ARL8B: variants seen among roughly 807,000 people sequenced by gnomAD.
The protein encoded by ARL8B is ARF like GTPase 8B.
A neutral mutation model predicts 30.6 loss-of-function variants in ARL8B; 9 were observed. The ratio of observed to expected loss-of-function variants is 0.29; its 90% CI spans 0.18 to 0.51. The LOEUF is 0.51. ARL8B is among the 20% of genes least tolerant of loss of function. The pLI is 0.97. For synonymous variants in ARL8B, 74 were observed against 76.0 expected (o/e 0.97, Z 0.14); for missense variants, 130 against 227.2 (o/e 0.57, Z 2.75).
At position 5,172,636 on chromosome 3, in the gene ARL8B, AT is replaced by A. The variant is rs747201276; in HGVS notation, c.279-4del. ...AGAGAAGGTATGTTGAGATCACTTC[AT>A]TTTTTTAAGTTACATGATAGATGCT... is the stretch of plus-strand genomic sequence containing the variant. On this transcript the variant is annotated splice_polypyrimidine_tract_variant and intron_variant, in intron 3 of 6. Coordinates refer to ENST00000256496, the MANE Select transcript of ARL8B (RefSeq NM_018184.3). The A allele has an allele frequency of 6.3e-6, 10 of 1,599,344 alleles. No homozygotes were observed. The highest frequency in any genetic ancestry group is 1.7e-5 in the Admixed American group (1 of 59,700).
chr3:5,146,250 C>T (rs1295508932), intron 1 of ARL8B, among the ~76,000 whole-genome samples: 2 of 152,176 alleles, frequency 1.3e-5, no homozygotes, highest in Non-Finnish European at 2.9e-5. Context: ...CCACACTGAA[C>T]CACTTATGTT....
intron 1 of ARL8B, among the ~76,000 whole-genome samples, chr3:5,133,266 C>T (rs2054298528): frequency 6.6e-6 from 1 of 152,258 alleles, no homozygotes; most frequent in South Asian, 2.1e-4. Context: ...TGACATTAGG[C>T]ATGGAGGGCC....
At chr3:5,143,273 A>G (rs11929083) in intron 1 of ARL8B, among the ~76,000 whole-genome samples, 25,699 of 152,116 alleles carry the variant, frequency 0.17, 2,769 homozygotes, top group African/African-American at 0.29. Flanking sequence ...CAGCCATATT[A>G]ACTTCCAGAA....
intron 1 of ARL8B, among the ~76,000 whole-genome samples, chr3:5,164,276 A>T (rs1039574664): frequency 6.6e-6 from 1 of 152,144 alleles, no homozygotes; most frequent in African/African-American, 2.4e-5. Flanking sequence ...TTTATGATTG[A>T]TTCTGTTCAT....
chr3:5,157,325 A>G (rs1427181020), intron 1 of ARL8B, among the ~76,000 whole-genome samples: 2 of 151,786 alleles, frequency 1.3e-5, no homozygotes, highest in African/African-American at 4.8e-5. Flanking sequence ...CAGATGTATT[A>G]CTCCAGTTCG....
intron 1 of ARL8B, among the ~76,000 whole-genome samples, chr3:5,129,098 G>A (rs2054258602): frequency 2.0e-5 from 3 of 152,110 alleles, no homozygotes; most frequent in Admixed American, 2.0e-4. Flanking sequence ...GGTCAAAAAC[G>A]CATTTTATGT....
chr3:5,140,502 C>G (rs571817440), intron 1 of ARL8B, among the ~76,000 whole-genome samples: 1 of 152,010 alleles, frequency 6.6e-6, no homozygotes, highest in African/African-American at 2.4e-5. Flanking sequence ...TTGTAAATTA[C>G]CAGTCTTGGG....
At chr3:5,147,050 T>A (rs1038104999) in intron 1 of ARL8B, among the ~76,000 whole-genome samples, 1 of 151,986 alleles carries the variant, frequency 6.6e-6, no homozygotes, top group African/African-American at 2.4e-5. Context: ...TACTTTAAGT[T>A]CTAGGGTACA....
At chr3:5,158,240 T>A (rs2054548948) in intron 1 of ARL8B, among the ~76,000 whole-genome samples, 1 of 152,196 alleles carries the variant, frequency 6.6e-6, no homozygotes, top group Non-Finnish European at 1.5e-5. Context: ...CACCTTGGCC[T>A]CCCAAAGTAC....
At chr3:5,172,814 T>C in intron 4 of ARL8B, 74 bp downstream of exon 4, 1 of 987,278 alleles carries the variant, frequency 1.0e-6, no homozygotes, top group Non-Finnish European at 1.5e-6. Flanking sequence ...TGCAGTGATA[T>C]TAATTATGTT....
chr3:5,177,977 T>C (rs1184471995), intron 6 of ARL8B, among the ~76,000 whole-genome samples: 1 of 152,226 alleles, frequency 6.6e-6, no homozygotes, highest in Non-Finnish European at 1.5e-5. Flanking sequence ...GCATGTTAGC[T>C]GGGAAACTGG....
intron 1 of ARL8B, among the ~76,000 whole-genome samples, chr3:5,156,226 C>T (rs149052193): frequency 1.4e-3 from 215 of 152,094 alleles, no homozygotes; most frequent in Middle Eastern, 3.4e-3. Flanking sequence ...TACTGGTCTT[C>T]CTCAGGGTCA....
intron 1 of ARL8B, among the ~76,000 whole-genome samples, chr3:5,124,736 C>G (rs1402945542): frequency 6.6e-6 from 1 of 152,142 alleles, no homozygotes; most frequent in African/African-American, 2.4e-5. Context: ...CCTTGGCCTC[C>G]CAGCATACTG....
intron 1 of ARL8B, among the ~76,000 whole-genome samples, chr3:5,164,301 T>C (rs1261716362): frequency 6.6e-6 from 1 of 152,256 alleles, no homozygotes; most frequent in African/African-American, 2.4e-5. Flanking sequence ...TTTACTATTA[T>C]TATTACTGTA....
At chr3:5,148,605 G>A (rs895807375) in intron 1 of ARL8B, among the ~76,000 whole-genome samples, 1 of 152,094 alleles carries the variant, frequency 6.6e-6, no homozygotes, top group Middle Eastern at 3.2e-3. Flanking sequence ...CTTCTTTGAG[G>A]GGGAACATGG....
At position 5,122,346 on chromosome 3, in the gene ARL8B, C is replaced by G. The variant is rs751403663; in HGVS notation, c.-120C>G. 3.9e-6 allele frequency: 6 copies of G among 1,547,758 alleles called. No homozygotes were observed. Among genetic ancestry groups the G allele is most frequent in the Non-Finnish European group, 5.2e-6 (6 of 1,148,718 alleles). ...CTGCTGCCGCCCGCCGGTGTCCGCC[C>G]GTGTCGCGCCGGGGCACCAAGGAGC... On this transcript the variant is annotated 5_prime_UTR_variant, in exon 1 of 7. Coordinates refer to ENST00000256496, the MANE Select transcript of ARL8B (RefSeq NM_018184.3).
chr3:5,162,120 T>C (rs2054589618), intron 1 of ARL8B, among the ~76,000 whole-genome samples: 2 of 152,234 alleles, frequency 1.3e-5, no homozygotes, highest in Admixed American at 6.5e-5. Flanking sequence ...TGCTCATCAC[T>C]GGACTGGATC....
At chr3:5,176,270 G>A (rs1008892430) in intron 6 of ARL8B, among the ~76,000 whole-genome samples, 19 of 151,826 alleles carry the variant, frequency 1.3e-4, no homozygotes, top group African/African-American at 3.1e-4. Flanking sequence ...TCACTCTGTC[G>A]CCGTGGCTGG....
chr3:5,130,565 G>T (rs2054274053), intron 1 of ARL8B, among the ~76,000 whole-genome samples: 2 of 150,556 alleles, frequency 1.3e-5, no homozygotes, highest in Admixed American at 6.6e-5. Flanking sequence ...ATGGAATCTT[G>T]CTTTGTTGTC....
Sources: allele counts gnomAD v4.1 joint callset (sites outside exome capture counted in the v4.1 genomes callset), GRCh38; gene constraint gnomAD v4.1.1; transcripts MANE v1.5; gene names NCBI Gene and HGNC (gene_info 2026-07-23, HGNC 2026-07-21).